Variants in FAM186B observed in about 807,000 individuals in gnomAD.
FAM186B encodes family with sequence similarity 186 member B, also known as protein FAM186B.
A neutral mutation model predicts 83.4 loss-of-function variants in FAM186B; 68 were observed. The observed-to-expected ratio is 0.81, with a 90% CI of 0.67 to 1.00. The LOEUF (loss-of-function observed/expected upper bound fraction) is 1.00. Ranked by LOEUF, FAM186B falls within the 50% of genes least tolerant of loss-of-function variation. FAM186B has a pLI of 0.00. For missense variants in FAM186B, 983 were observed against 1,099.2 expected (o/e 0.89, Z 1.49); for synonymous variants, 389 against 422.0 (o/e 0.92, Z 0.96).
At chr12:49,594,590 A>G (rs977087935) in intron 5 of FAM186B, among the ~76,000 whole-genome samples, 1 of 152,200 alleles carries the variant, frequency 6.6e-6, no homozygotes, top group Non-Finnish European at 1.5e-5. Context: ...AATATCTTAC[A>G]CAGGCCGGGT....
chr12:49,583,150 T>C (rs1939371849), downstream of FAM186B: 1 of 444,004 alleles, frequency 2.3e-6, no homozygotes, highest in African/African-American at 2.0e-5. Flanking sequence ...GGTGCCAAAA[T>C]ATAAAAACAA....
intron 3 of FAM186B, among the ~76,000 whole-genome samples, chr12:49,602,932 G>T (rs1939925123): frequency 6.6e-6 from 1 of 152,142 alleles, no homozygotes; most frequent in Admixed American, 6.5e-5. Flanking sequence ...CCTACGTGAG[G>T]CCACAGCTCC....
At position 49,605,389 on chromosome 12, in the gene FAM186B, G is replaced by T. The variant is rs1297045698; in HGVS notation, c.89C>A (p.Ala30Asp). 1.2e-6 allele frequency: 2 copies of T among 1,612,702 alleles called. No homozygotes were observed. The highest frequency in any genetic ancestry group is 2.2e-5 in the South Asian group (2 of 90,518). ...LRIEAAQLTR[A>D]QEDISTQLSD... ...CTTCATCTCAGGGGCTACCTCTTGA[G>T]CCCGAGTTAGCTGGGCAGCCTCAAT... Residue 30 changes from alanine to aspartate, a missense_variant, in exon 1 of 7, where the codon GCT becomes GAT. By Grantham distance (126) the Ala-to-Asp change is moderately radical. Transcript: ENST00000257894.
In FAM186B at chr12:49,600,494, A is replaced by G; in HGVS notation, c.1146T>C (p.Ser382=). The G allele has an allele frequency of 2.5e-6, 4 of 1,613,984 alleles. No individual in the cohort carries two copies. Among genetic ancestry groups the G allele is most frequent in the Non-Finnish European group, 3.4e-6 (4 of 1,179,940 alleles). The change falls in exon 4 of 7, where the codon AGT becomes AGC. Residue 382 remains serine (S), a synonymous_variant. Coordinates refer to ENST00000257894, the MANE Select transcript of FAM186B (RefSeq NM_032130.3). The surrounding 1 kb of genome is among the most constrained non-coding windows in gnomAD (Gnocchi z 4.3). ...PPSPMAMIRD[S]GAIAAGHQPL... is the part of the protein sequence containing the mutation. ...GCTGGTGCCCTGCAGCTATAGCACC[A>G]CTGTCCCGTATCATGGCCATGGGAC...
upstream of FAM186B, among the ~76,000 whole-genome samples, chr12:49,609,701 G>C (rs1418404450): frequency 6.6e-6 from 1 of 152,192 alleles, no homozygotes; most frequent in Non-Finnish European, 1.5e-5. Context: ...CATAGAACTT[G>C]GGGCCAAGGA....
chr12:49,601,982 G>C (rs888654304), intron 3 of FAM186B, among the ~76,000 whole-genome samples: 1 of 152,238 alleles, frequency 6.6e-6, no homozygotes. Context: ...ATGTGGCCTA[G>C]TGGTCCAGAG....
the FAM186B span, chr12:49,619,574 C>A: frequency 1.5e-6 from 1 of 655,772 alleles, no homozygotes; most frequent in Non-Finnish European, 2.9e-6. Context: ...TATGGGCTAT[C>A]ATTCCATGTA....
At chr12:49,601,864 T>C (rs1350139026) in intron 3 of FAM186B, among the ~76,000 whole-genome samples, 1 of 152,070 alleles carries the variant, frequency 6.6e-6, no homozygotes, top group Non-Finnish European at 1.5e-5. Flanking sequence ...TTTAAAAACA[T>C]CACTGGTGGA....
downstream of FAM186B, among the ~76,000 whole-genome samples, chr12:49,585,311 CCCGG>C (rs1357820548): frequency 6.6e-6 from 1 of 152,196 alleles, no homozygotes; most frequent in Non-Finnish European, 1.5e-5. Context: ...AGCCACTATG[CCCGG>C]CCTGTACCAG....
rs1939877093 is a variant in FAM186B, at chr12:49,600,941, G to C, written c.699C>G (p.Ile233Met). ...TMFSKGEVRA[I>M]RYMATVVENL... ...TCTCCACCACAGTGGCCATGTACCT[G>C]ATGGCCCTGACCTCCCCCTTGCTGA... Residue 233 changes from isoleucine (I) to methionine (M), a missense_variant, in exon 4 of 7, where the codon ATC (isoleucine) becomes ATG (methionine). Coordinates refer to ENST00000257894, the MANE Select transcript of FAM186B (RefSeq NM_032130.3). The surrounding 1 kb of genome is among the most constrained non-coding windows in gnomAD (Gnocchi z 4.3). 6.2e-7 allele frequency: 1 copy of C among 1,614,110 alleles called. No individual in the cohort carries two copies. Among genetic ancestry groups the C allele is most frequent in the Non-Finnish European group, 8.5e-7 (1 of 1,179,970 alleles).
chr12:49,587,555 CTCGCACCTTACTGGGCCT>C lies in FAM186B; in HGVS notation c.*32_*49del, dbSNP rs1346945981. ...GGGAGAATCCACATTGACCATCAGC[CTCGCACCTTACTGGGCCT>C]TCAGGAAGTTCAGGCTTTTGTGGCA... On this transcript the variant is annotated 3_prime_UTR_variant, in exon 7 of 7. Coordinates refer to ENST00000257894, the MANE Select transcript of FAM186B (RefSeq NM_032130.3). 3 of 1,611,638 alleles carry C rather than the reference CTCGCACCTTACTGGGCCT, an allele frequency of 1.9e-6. No homozygotes were observed. Among genetic ancestry groups the C allele is most frequent in the East Asian group, 4.5e-5 (2 of 44,864 alleles).
At chr12:49,599,340 G>A (rs779043738) in intron 4 of FAM186B, 129 bp downstream of exon 4, 89 of 1,375,852 alleles carry the variant, frequency 6.5e-5, no homozygotes, top group Non-Finnish European at 8.1e-5. Flanking sequence ...CCACTCAGGA[G>A]ACCCTGTCCA....
intron 5 of FAM186B, among the ~76,000 whole-genome samples, chr12:49,590,953 A>G (rs1489632274): frequency 6.6e-6 from 1 of 152,114 alleles, no homozygotes; most frequent in Non-Finnish European, 1.5e-5. Flanking sequence ...TTTTGAGGAG[A>G]TAAACTAGTG....
In FAM186B at chr12:49,599,705, C is replaced by T; in HGVS notation, c.1935G>A (p.Leu645=). 1 of 1,612,486 alleles carries T rather than the reference C, an allele frequency of 6.2e-7. No homozygotes were observed. The highest frequency in any genetic ancestry group is 8.5e-7 in the Non-Finnish European group (1 of 1,179,276). The change falls in exon 4 of 7, where the codon CTG becomes CTA. Residue 645 remains leucine (L), a synonymous_variant. Coordinates refer to ENST00000257894, the MANE Select transcript of FAM186B (RefSeq NM_032130.3). The stretch of plus-strand genomic sequence containing the variant: ...GGGATATCTGCAAAGAGGGCCAGGT[C>T]AGCCTTCGGATGGATGTCCCAGTGA... ...FPVTGTSIRR[L]TWPSLQISPA...
At chr12:49,612,678 C>T in the FAM186B span, among the ~76,000 whole-genome samples, 2 of 151,990 alleles carry the variant, frequency 1.3e-5, no homozygotes, top group Non-Finnish European at 2.9e-5. Context: ...AACAAGAAGA[C>T]TTAACTATTC....
the FAM186B span, among the ~76,000 whole-genome samples, chr12:49,610,881 T>C: frequency 6.6e-6 from 1 of 152,106 alleles, no homozygotes. Context: ...AGAAAGAATT[T>C]TGGAGCTTGA....
chr12:49,595,317 A>T, intron 5 of FAM186B: 1 of 641,182 alleles, frequency 1.6e-6, no homozygotes. Flanking sequence ...AAGAGGGACC[A>T]TATGACATAG....
chr12:49,592,063 A>G (rs1275342485), intron 5 of FAM186B, among the ~76,000 whole-genome samples: 1 of 152,228 alleles, frequency 6.6e-6, no homozygotes, highest in East Asian at 1.9e-4. Flanking sequence ...CATAGAGACA[A>G]AATGTATGAC....
At chr12:49,584,231 T>A (rs1005171386), downstream of FAM186B, 2 of 441,064 alleles carry the variant, frequency 4.5e-6, no homozygotes, top group Non-Finnish European at 8.3e-6. Flanking sequence ...ACTCAGAGGG[T>A]TCTAAAACTG....
Sources: gnomAD v4.1 joint callset for allele counts (sites outside exome capture counted in the v4.1 genomes callset) on GRCh38, gnomAD v4.1.1 for gene constraint, Gnocchi (gnomAD v3.1) non-coding constraint, MANE v1.5 for transcripts, NCBI Gene and HGNC (gene_info 2026-07-23, HGNC 2026-07-21) for gene names.